RPTOR: variants seen among roughly 807,000 people sequenced by gnomAD.
RPTOR encodes regulatory-associated protein of mTOR.
RPTOR carries 21 observed loss-of-function variants against 169.9 expected under a neutral mutation model. The ratio of observed to expected loss-of-function variants is 0.12; its 90% CI spans 0.09 to 0.18. RPTOR has a LOEUF of 0.18. RPTOR is among the 10% of genes least tolerant of loss of function. The probability of loss-of-function intolerance (pLI) is 1.00; values close to 1 mark genes in which losing one functional copy is unlikely to be tolerated. For synonymous variants in RPTOR, 732 were observed against 753.2 expected (o/e 0.97, Z 0.46); for missense variants, 1,133 against 1,855.9 (o/e 0.61, Z 7.16).
At chr17:80,886,362 G>A (rs2068246701) in intron 17 of RPTOR, among the ~76,000 whole-genome samples, 1 of 152,270 alleles carries the variant, frequency 6.6e-6, no homozygotes, top group South Asian at 2.1e-4. Flanking sequence ...AGGAAGTGAG[G>A]TTCCGGGCTG....
chr17:80,611,836 C>T (rs2065273852), intron 1 of RPTOR, among the ~76,000 whole-genome samples: 1 of 151,752 alleles, frequency 6.6e-6, no homozygotes, highest in African/African-American at 2.4e-5. Flanking sequence ...GGTTTTTCCC[C>T]CCCTGTAAAT....
intron 4 of RPTOR, among the ~76,000 whole-genome samples, chr17:80,728,574 G>A (rs1009920263): frequency 1.3e-5 from 2 of 151,930 alleles, no homozygotes; most frequent in African/African-American, 4.8e-5. Context: ...GTCCTCATTA[G>A]AGTTACGTAT....
At position 80,823,628 on chromosome 17, in the gene RPTOR, T is replaced by G. The variant is rs1274166165; in HGVS notation, c.1136+405T>G. ...TGTTGGGCTCATGATCAATTAGTTTTTATGCTTATTTCTCACACACACACA... is the reference window on the plus strand; with the variant it reads ...TGTTGGGCTCATGATCAATTAGTTTGTATGCTTATTTCTCACACACACACA... On this transcript the variant is annotated intron_variant, in intron 9 of 33. Transcript: ENST00000306801. The surrounding 1 kb of genome is among the most constrained non-coding windows in gnomAD (Gnocchi z 4.5). The G allele has an allele frequency of 1.2e-5, 2 of 167,184 alleles. No homozygotes were observed. Among genetic ancestry groups the G allele is most frequent in the Non-Finnish European group, 2.5e-5 (2 of 78,832 alleles). The allele number at this position is 167,184 out of a possible 1,614,324, so 10.4% of individuals were successfully genotyped here.
intron 20 of RPTOR, among the ~76,000 whole-genome samples, chr17:80,899,282 A>G (rs900730176): frequency 3.9e-5 from 6 of 152,236 alleles, no homozygotes; most frequent in African/African-American, 1.2e-4. Flanking sequence ...TTGAACTGGA[A>G]TACACTTTTT....
intron 1 of RPTOR, among the ~76,000 whole-genome samples, chr17:80,567,226 C>G (rs568156102): frequency 9.2e-5 from 14 of 152,186 alleles, no homozygotes; most frequent in African/African-American, 3.4e-4. Context: ...CTGCCTCAGC[C>G]TCTCAAAGTA....
intron 6 of RPTOR, among the ~76,000 whole-genome samples, chr17:80,760,422 C>G (rs965476748): frequency 6.6e-6 from 1 of 151,552 alleles, no homozygotes; most frequent in African/African-American, 2.4e-5. Flanking sequence ...CTGCCTCAGC[C>G]TCCCGAGTAG....
At chr17:80,858,191 C>T (rs1326727958) in intron 13 of RPTOR, 6 of 424,802 alleles carry the variant, frequency 1.4e-5, no homozygotes, top group South Asian at 1.4e-4. Context: ...TGCACTCAGT[C>T]CCCCTGCCTG....
Position 80,651,011 on chromosome 17 carries a change from A to G in RPTOR, c.348+7201A>G, listed in dbSNP as rs917710835. Among the ~76,000 whole-genome samples, 2 of 152,192 alleles carry G rather than the reference A, an allele frequency of 1.3e-5. No individual in the cohort carries two copies. The highest frequency in any genetic ancestry group is 2.4e-5 in the African/African-American group (1 of 41,430). On this transcript the variant is annotated intron_variant, in intron 3 of 33. Coordinates refer to ENST00000306801, the MANE Select transcript of RPTOR (RefSeq NM_020761.3). This position sits in a 1 kb window ranked among gnomAD's most constrained non-coding sequence, Gnocchi z 4.1. Reference sequence around the variant, plus strand: ...TTTAACAAGGGAGTTGTCTGTGTGTATGACAAATTGCAAATGAGGACCCCC... The same window carrying G: ...TTTAACAAGGGAGTTGTCTGTGTGTGTGACAAATTGCAAATGAGGACCCCC...
chr17:80,742,661 G>A (rs35755748), intron 5 of RPTOR, among the ~76,000 whole-genome samples: 33,130 of 147,734 alleles, frequency 0.22, 3,646 homozygotes, highest in African/African-American at 0.24. Flanking sequence ...ATAAACACAT[G>A]CACATACACA....
chr17:80,687,239 G>A (rs944885243), intron 3 of RPTOR, among the ~76,000 whole-genome samples: 4 of 152,138 alleles, frequency 2.6e-5, no homozygotes, highest in Non-Finnish European at 5.9e-5. Context: ...CCTGGTTCAC[G>A]TTTGCTCTTC....
chr17:80,929,758 G>T (rs1231888809), intron 24 of RPTOR, among the ~76,000 whole-genome samples: 1 of 152,200 alleles, frequency 6.6e-6, no homozygotes, highest in Non-Finnish European at 1.5e-5. Flanking sequence ...CCCACGCAGG[G>T]TTCCCTCCCA....
At chr17:80,822,935 A>G in intron 8 of RPTOR, 144 bp from the exon 9 acceptor site, 1 of 817,606 alleles carries the variant, frequency 1.2e-6, no homozygotes, top group Non-Finnish European at 1.9e-6. Flanking sequence ...GTGTGTGTTT[A>G]AGCGTGTGTG....
intron 13 of RPTOR, among the ~76,000 whole-genome samples, chr17:80,876,340 C>T (rs372354296): frequency 2.6e-4 from 14 of 53,550 alleles, no homozygotes; most frequent in South Asian, 7.8e-4. Flanking sequence ...TGTCGCCTGC[C>T]GGGTCTTCCA....
Position 80,788,574 on chromosome 17 carries a change from C to T in RPTOR, c.831-2876C>T, listed in dbSNP as rs377073732. 1.4e-4 allele frequency among the ~76,000 whole-genome samples: 22 copies of T among 152,272 alleles called. No homozygotes were observed. The East Asian group carries it at 1.9e-3, about 13-fold the overall frequency. The stretch of plus-strand genomic sequence containing the variant: ...TCCTGCATCCTGTGTTAATCTGGTT[C>T]TTGTTTCTTTGAATGTGATCTACTC... On this transcript the variant is annotated intron_variant, in intron 6 of 33. Coordinates refer to ENST00000306801, the MANE Select transcript of RPTOR (RefSeq NM_020761.3).
At chr17:80,616,857 A>C (rs964387266) in intron 1 of RPTOR, among the ~76,000 whole-genome samples, 3 of 152,178 alleles carry the variant, frequency 2.0e-5, no homozygotes, top group Non-Finnish European at 4.4e-5. Context: ...GAGTAAGTGA[A>C]ACACGACTCG....
intron 5 of RPTOR, among the ~76,000 whole-genome samples, chr17:80,753,122 G>A (rs1362028400): frequency 1.3e-5 from 2 of 152,134 alleles, no homozygotes; most frequent in Admixed American, 6.5e-5. Context: ...AGAGAAATCC[G>A]ATGAAGATGG....
At chr17:80,634,033 C>T (rs2065461877) in intron 2 of RPTOR, among the ~76,000 whole-genome samples, 1 of 151,812 alleles carries the variant, frequency 6.6e-6, no homozygotes, top group Admixed American at 6.6e-5. Context: ...ACCTCTCTCG[C>T]TGGACAGAGC....
rs900487220 is a variant in RPTOR, at chr17:80,964,529, G to T, written c.*199G>T. On this transcript the variant is annotated 3_prime_UTR_variant, in exon 34 of 34. Coordinates refer to ENST00000306801, the MANE Select transcript of RPTOR (RefSeq NM_020761.3). ...TCGTGTCTGGAATGTCAGGGAAGGG[G>T]AGGGCTCGGGTTGACGGTGGCTTCC... is the stretch of plus-strand genomic sequence containing the variant. The T allele has an allele frequency of 1.6e-6, 1 of 610,244 alleles. No homozygotes were observed. Among genetic ancestry groups the T allele is most frequent in the South Asian group, 2.0e-5 (1 of 50,970 alleles). The allele number at this position is 610,244 out of a possible 1,614,324, so 37.8% of individuals were successfully genotyped here. A position where few individuals can be genotyped will look rare whatever the true frequency, so the allele number is the denominator to read the frequency against.
chr17:80,950,707 A>G (rs975648432), intron 28 of RPTOR, among the ~76,000 whole-genome samples: 4 of 152,144 alleles, frequency 2.6e-5, no homozygotes, highest in African/African-American at 7.2e-5. Context: ...GCCCTGGTCC[A>G]GGAGGGGTCC....
Sources: allele counts gnomAD v4.1 joint callset (sites outside exome capture counted in the v4.1 genomes callset), GRCh38; gene constraint gnomAD v4.1.1; non-coding constraint Gnocchi (gnomAD v3.1); transcripts MANE v1.5; gene names NCBI Gene and HGNC (gene_info 2026-07-23, HGNC 2026-07-21).